Variants in XYLT1 observed in about 807,000 individuals in gnomAD.
XYLT1 encodes beta-D-xylosyltransferase 1.
XYLT1 carries 36 observed loss-of-function variants against 91.3 expected under a neutral mutation model. The observed-to-expected ratio is 0.39, with a 90% CI of 0.30 to 0.52. The LOEUF (loss-of-function observed/expected upper bound fraction) is 0.52, where lower values mean the gene tolerates loss of function less well. Among genes scored for constraint, XYLT1 ranks in the 20% least tolerant of loss-of-function variants. XYLT1 has a pLI of 0.68. For synonymous variants in XYLT1, 588 were observed against 532.0 expected (o/e 1.11, Z -1.45); for missense variants, 1,242 against 1,284.5 (o/e 0.97, Z 0.51).
At chr16:17,207,372 C>T (rs987341100) in intron 3 of XYLT1, among the ~76,000 whole-genome samples, 1 of 152,084 alleles carries the variant, frequency 6.6e-6, no homozygotes, top group African/African-American at 2.4e-5. Context: ...GGTTGGTTCT[C>T]TTGATACCTG....
chr16:17,266,395 C>T (rs1235949215), intron 2 of XYLT1, among the ~76,000 whole-genome samples: 1 of 152,174 alleles, frequency 6.6e-6, no homozygotes, highest in Non-Finnish European at 1.5e-5. Flanking sequence ...AAGCCTGTTG[C>T]ATGTACTAAC....
rs114647659 is a variant in XYLT1, at chr16:17,130,110, C to T, written c.2028-2249G>A. Reference sequence around the variant, plus strand: ...GGAGACATTTGAAACAGCAGAGCTACGCCAGTTGTCCCAGCTGAAGCCATC... The same window carrying T: ...GGAGACATTTGAAACAGCAGAGCTATGCCAGTTGTCCCAGCTGAAGCCATC... On this transcript the variant is annotated intron_variant, in intron 9 of 11. Transcript: ENST00000261381. Among the ~76,000 whole-genome samples the T allele has an allele frequency of 3.4e-3, 514 of 152,322 alleles. 2 individuals are homozygous for T. Among genetic ancestry groups the T allele is most frequent in the African/African-American group, 0.012 (487 of 41,566 alleles).
chr16:17,180,585 G>A (rs1222311708), intron 5 of XYLT1, among the ~76,000 whole-genome samples: 6 of 152,126 alleles, frequency 3.9e-5, no homozygotes, highest in African/African-American at 1.4e-4. Context: ...TGGCTTTTAG[G>A]GGCACAGTTT....
At chr16:17,138,251 G>A (rs1023726173) in intron 8 of XYLT1, 104 bp downstream of exon 8, 37 of 1,384,456 alleles carry the variant, frequency 2.7e-5, no homozygotes, top group Non-Finnish European at 3.3e-5. Flanking sequence ...GCCAGGTTTG[G>A]GCACCATGTG....
chr16:17,165,565 C>T (rs547601643), intron 5 of XYLT1, among the ~76,000 whole-genome samples: 7 of 151,818 alleles, frequency 4.6e-5, no homozygotes, highest in East Asian at 3.9e-4. Context: ...TGGTAGTGGG[C>T]GCCTGTAATC....
chr16:17,224,775 T>C (rs2033033007), intron 3 of XYLT1, among the ~76,000 whole-genome samples: 1 of 152,184 alleles, frequency 6.6e-6, no homozygotes, highest in Non-Finnish European at 1.5e-5. Context: ...CTTCTCAGCC[T>C]CTCTTGTAGC....
chr16:17,133,554 T>C (rs906647146), intron 9 of XYLT1, among the ~76,000 whole-genome samples: 8 of 152,154 alleles, frequency 5.3e-5, no homozygotes, highest in Non-Finnish European at 7.4e-5. Context: ...ATCATTATCA[T>C]TGCGGAAGCT....
intron 2 of XYLT1, among the ~76,000 whole-genome samples, chr16:17,340,300 T>C (rs2035047689): frequency 6.6e-6 from 1 of 152,368 alleles, no homozygotes. Context: ...GAGGTGATAC[T>C]ATTTCCTTGT....
intron 2 of XYLT1, among the ~76,000 whole-genome samples, chr16:17,347,955 C>A (rs1393922846): frequency 6.6e-6 from 1 of 152,130 alleles, no homozygotes; most frequent in Non-Finnish European, 1.5e-5. Flanking sequence ...GGCAGCCCCA[C>A]AGCAGCTGTG....
chr16:17,337,373 G>C (rs1360116027), intron 2 of XYLT1, among the ~76,000 whole-genome samples: 1 of 152,068 alleles, frequency 6.6e-6, no homozygotes, highest in African/African-American at 2.4e-5. Flanking sequence ...AGAGATGAGA[G>C]GGGGTCTCAC....
chr16:17,137,985 G>T (rs1416074120), intron 8 of XYLT1, among the ~76,000 whole-genome samples: 1 of 152,044 alleles, frequency 6.6e-6, no homozygotes, highest in African/African-American at 2.4e-5. Context: ...CATATTCCTG[G>T]GTACAAATGT....
chr16:17,386,260 G>C (rs1396310187), intron 1 of XYLT1, among the ~76,000 whole-genome samples: 2 of 152,120 alleles, frequency 1.3e-5, no homozygotes, highest in East Asian at 3.9e-4. Context: ...GGCACTCTAA[G>C]ATTCCATCCA....
chr16:17,140,651 A>ACTGT (rs1256098290), intron 7 of XYLT1, among the ~76,000 whole-genome samples: 3 of 111,838 alleles, frequency 2.7e-5, no homozygotes, highest in African/African-American at 1.0e-4. Flanking sequence ...ACAGAGGAAG[A>ACTGT]CTGTCTCAAA....
intron 2 of XYLT1, among the ~76,000 whole-genome samples, chr16:17,304,955 A>G (rs528521903): frequency 6.6e-6 from 1 of 152,316 alleles, no homozygotes; most frequent in African/African-American, 2.4e-5. Context: ...AGGCCCAGAA[A>G]GAAAGGGTGA....
intron 11 of XYLT1, 101 bp downstream of exon 11, chr16:17,117,545 T>C (rs1966854914): frequency 1.5e-6 from 2 of 1,302,456 alleles, no homozygotes; most frequent in Non-Finnish European, 2.1e-6. Context: ...GTGAGGCCGC[T>C]GCTTACCCTA....
intron 1 of XYLT1, among the ~76,000 whole-genome samples, chr16:17,402,189 G>A (rs541504896): frequency 2.0e-5 from 3 of 151,560 alleles, no homozygotes; most frequent in East Asian, 3.9e-4. Context: ...GCATGGTGGT[G>A]CACACCTGTA....
At chr16:17,142,016 G>T (rs1324469775) in intron 6 of XYLT1, among the ~76,000 whole-genome samples, 1 of 152,120 alleles carries the variant, frequency 6.6e-6, no homozygotes, top group Non-Finnish European at 1.5e-5. Context: ...TGACCCTCCT[G>T]CCTCCAGCTC....
chr16:17,121,046 A>G (rs2030034631), intron 10 of XYLT1, among the ~76,000 whole-genome samples: 1 of 152,138 alleles, frequency 6.6e-6, no homozygotes, highest in Non-Finnish European at 1.5e-5. Context: ...CTATCAATCT[A>G]TCTTGAACAC....
At chr16:17,121,035 T>C (rs1466517935) in intron 10 of XYLT1, among the ~76,000 whole-genome samples, 1 of 152,202 alleles carries the variant, frequency 6.6e-6, no homozygotes, top group African/African-American at 2.4e-5. Flanking sequence ...GTATCACCTG[T>C]CTATCAATCT....
Sources: gnomAD v4.1 joint callset for allele counts (sites outside exome capture counted in the v4.1 genomes callset) on GRCh38, gnomAD v4.1.1 for gene constraint, MANE v1.5 for transcripts, NCBI Gene and HGNC (gene_info 2026-07-23, HGNC 2026-07-21) for gene names.